The following MTOR variants were observed in gnomAD, a reference collection of about 807,000 sequenced individuals.
The protein encoded by MTOR is serine/threonine-protein kinase mTOR.
In MTOR, 70 loss-of-function variants were observed where a neutral mutation model predicts 319.8. The ratio of observed to expected loss-of-function variants is 0.22; its 90% confidence interval spans 0.18 to 0.27. The LOEUF (loss-of-function observed/expected upper bound fraction) is 0.27, where lower values mean the gene tolerates loss of function less well. Ranked by LOEUF, MTOR falls within the 10% of genes least tolerant of loss-of-function variation. The pLI is 1.00. For missense variants in MTOR, 1,890 were observed against 3,274.4 expected (o/e 0.58, Z 10.32); for synonymous variants, 1,183 against 1,211.4 (o/e 0.98, Z 0.49).
chr1:11,155,951 G>A (rs1232114441), intron 30 of MTOR, among the ~76,000 whole-genome samples: 1 of 152,118 alleles, frequency 6.6e-6, no homozygotes, highest in African/African-American at 2.4e-5. Flanking sequence ...CTAGTCGGGA[G>A]GTAGCATGGA....
chr1:11,179,585 G>A (rs1645084088), intron 28 of MTOR, among the ~76,000 whole-genome samples: 1 of 152,218 alleles, frequency 6.6e-6, no homozygotes, highest in Non-Finnish European at 1.5e-5. Context: ...CCTCGCTGAT[G>A]GCGAGGTTTC....
In MTOR at chr1:11,212,672, A is replaced by C. The variant is rs1646349273; in HGVS notation, c.3398+124T>G. On this transcript the variant is annotated intron_variant, in intron 22 of 57. Transcript: ENST00000361445. This position sits in a 1 kb window ranked among gnomAD's most constrained non-coding sequence, Gnocchi z 4.1. ...TTCCATAAACCTGGGATATTTCTAG[A>C]CTAAAATAATGTGAGTTGAAATAAC... The C allele has an allele frequency of 2.8e-6, 3 of 1,089,820 alleles. No individual in the cohort carries two copies. The Admixed American group carries it at 6.7e-5, about 24-fold the overall frequency. The allele number at this position is 1,089,820 out of a possible 1,614,324, so 67.5% of individuals were successfully genotyped here. A position where few individuals can be genotyped will look rare whatever the true frequency, so the allele number is the denominator to read the frequency against.
chr1:11,193,362 C>T (rs1182281307), intron 28 of MTOR, among the ~76,000 whole-genome samples: 1 of 152,046 alleles, frequency 6.6e-6, no homozygotes, highest in Non-Finnish European at 1.5e-5. Flanking sequence ...TGTGCACTCA[C>T]CCCCGGGCCC....
Position 11,243,103 on chromosome 1 carries a change from G to A in MTOR, c.1412+11C>T, listed in dbSNP as rs952704353. On this transcript the variant is annotated intron_variant, in intron 9 of 57. Transcript: ENST00000361445. The stretch of plus-strand genomic sequence containing the variant: ...TGGAGTGGAAGGTGAAATCATAACA[G>A]AGGTGCTTACTTATGGGCGAAGTCC... 1 of 1,613,780 alleles carries A rather than the reference G, an allele frequency of 6.2e-7. No individual in the cohort carries two copies. The highest frequency in any genetic ancestry group is 1.3e-5 in the African/African-American group (1 of 74,918).
At position 11,130,781 on chromosome 1, in the gene MTOR, GT is replaced by G; in HGVS notation, c.5365-5del. The G allele has an allele frequency of 6.4e-7, 1 of 1,560,728 alleles. No homozygotes were observed. Among genetic ancestry groups the G allele is most frequent in the Non-Finnish European group, 8.7e-7 (1 of 1,151,702 alleles). On this transcript the variant is annotated splice_polypyrimidine_tract_variant and splice_region_variant and intron_variant, in intron 38 of 57. Coordinates refer to ENST00000361445, the MANE Select transcript of MTOR (RefSeq NM_004958.4). Reference sequence around the variant, plus strand: ...TCACTGCCCACGCATGCCAGGCCTGGTTGGGGAGAAAGGCAAGGACAGACAC... The same window carrying G: ...TCACTGCCCACGCATGCCAGGCCTGGTGGGGAGAAAGGCAAGGACAGACAC...
chr1:11,143,684 T>C (rs1451426256), intron 34 of MTOR, among the ~76,000 whole-genome samples: 1 of 152,196 alleles, frequency 6.6e-6, no homozygotes, highest in Non-Finnish European at 1.5e-5. Context: ...AAAGGTTTTG[T>C]CGCAGCCTAC....
chr1:11,210,985 C>T (rs1646294322), intron 23 of MTOR, 79 bp from the exon 24 acceptor site: 1 of 817,150 alleles, frequency 1.2e-6, no homozygotes, highest in Admixed American at 2.0e-5. Context: ...TATTATACAA[C>T]TACATTATGA....
At position 11,127,566 on chromosome 1, in the gene MTOR, T is replaced by C. The variant is rs556383471; in HGVS notation, c.6216+58A>G. 24 of 1,523,772 alleles carry C rather than the reference T, an allele frequency of 1.6e-5. No individual in the cohort carries two copies. The South Asian group carries it at 2.6e-4, about 17-fold the overall frequency. 94.4% of individuals were successfully genotyped at this position (1,523,772 alleles called of 1,614,324 possible). The stretch of plus-strand genomic sequence containing the variant: ...ATAAAAACTTTTCTCATTTCATTTT[T>C]TTTTAGTGGCAGAATATTTCTACAG... On this transcript the variant is annotated intron_variant, in intron 44 of 57. Coordinates refer to ENST00000361445, the MANE Select transcript of MTOR (RefSeq NM_004958.4). This position sits in a 1 kb window ranked among gnomAD's most constrained non-coding sequence, Gnocchi z 5.5.
At chr1:11,197,051 G>A (rs553593333) in intron 28 of MTOR, among the ~76,000 whole-genome samples, 1 of 152,084 alleles carries the variant, frequency 6.6e-6, no homozygotes, top group Admixed American at 6.6e-5. Context: ...GGTTGGGGGA[G>A]GGTTAGTAGT....
chr1:11,218,364 A>G (rs1406052695), intron 19 of MTOR, among the ~76,000 whole-genome samples: 1 of 151,806 alleles, frequency 6.6e-6, no homozygotes, highest in Non-Finnish European at 1.5e-5. Flanking sequence ...CGGAAGGCGG[A>G]GGTTGCAGTG....
intron 36 of MTOR, 147 bp downstream of exon 36, chr1:11,139,157 T>C (rs1643569188): frequency 2.6e-6 from 3 of 1,136,864 alleles, no homozygotes; most frequent in Admixed American, 2.4e-5. Flanking sequence ...TCAGGCCAAA[T>C]AGCTTTGTAA....
intron 33 of MTOR, 28 bp downstream of exon 33, chr1:11,144,940 G>C (rs2100508888): frequency 6.2e-7 from 1 of 1,609,008 alleles, no homozygotes; most frequent in Non-Finnish European, 8.5e-7. Flanking sequence ...CCTCAAAAAT[G>C]ACAATGTGCA....
intron 36 of MTOR, among the ~76,000 whole-genome samples, chr1:11,137,861 C>A (rs1024342133): frequency 2.0e-5 from 3 of 152,224 alleles, no homozygotes; most frequent in Non-Finnish European, 4.4e-5. Flanking sequence ...CGAGGCAGAG[C>A]ATGATTCTTG....
At chr1:11,177,386 C>G (rs111790857) in intron 28 of MTOR, among the ~76,000 whole-genome samples, 1 of 150,688 alleles carries the variant, frequency 6.6e-6, no homozygotes, top group Non-Finnish European at 1.5e-5. Context: ...AGCAAGACTT[C>G]GAATCTACAA....
chr1:11,242,796 G>A lies in MTOR; in HGVS notation c.1412+318C>T, dbSNP rs113532384. 2.7e-3 allele frequency among the ~76,000 whole-genome samples: 406 copies of A among 152,288 alleles called. 5 individuals carry two copies. Among genetic ancestry groups the A allele is most frequent in the African/African-American group, 8.9e-3 (371 of 41,566 alleles). On this transcript the variant is annotated intron_variant, in intron 9 of 57. Transcript: ENST00000361445. ...TCCAGTCAAGGATTCCTCTCTTTAG[G>A]TCTTATATCAAAATAAGACTTTTAA...
At chr1:11,179,911 G>A (rs1645092833) in intron 28 of MTOR, among the ~76,000 whole-genome samples, 1 of 152,206 alleles carries the variant, frequency 6.6e-6, no homozygotes, top group African/African-American at 2.4e-5. Flanking sequence ...AGTTTGGAAT[G>A]TGGTTTTTTG....
At chr1:11,168,836 G>A (rs1644725225) in intron 28 of MTOR, among the ~76,000 whole-genome samples, 1 of 152,188 alleles carries the variant, frequency 6.6e-6, no homozygotes, top group African/African-American at 2.4e-5. Flanking sequence ...AGGAACTTAT[G>A]CAACTAAGCT....
chr1:11,262,281 G>A (rs1290439654), intron 1 of MTOR, among the ~76,000 whole-genome samples, 164 bp downstream of exon 1: 6 of 152,258 alleles, frequency 3.9e-5, no homozygotes, highest in African/African-American at 1.4e-4. Context: ...GTTGCCTCGA[G>A]GGGTGGGAGT....
At chr1:11,216,361 G>A in intron 19 of MTOR, 127 bp from the exon 20 acceptor site, 2 of 609,958 alleles carry the variant, frequency 3.3e-6, no homozygotes, top group Non-Finnish European at 5.7e-6. Flanking sequence ...TATCTACTGA[G>A]AATATATTTC....
Sources: gnomAD v4.1 joint callset for allele counts (sites outside exome capture counted in the v4.1 genomes callset) on GRCh38, gnomAD v4.1.1 for gene constraint, Gnocchi (gnomAD v3.1) non-coding constraint, MANE v1.5 for transcripts, NCBI Gene and HGNC (gene_info 2026-07-23, HGNC 2026-07-21) for gene names.